Variants in CADM2 observed in about 807,000 individuals in gnomAD.
CADM2 encodes immunoglobulin superfamily member 4D.
CADM2 carries 12 observed loss-of-function variants against 49.8 expected under a neutral mutation model. That is an observed-to-expected ratio of 0.24 (90% CI 0.15 to 0.39). The LOEUF (loss-of-function observed/expected upper bound fraction) is 0.39. Ranked by LOEUF, CADM2 falls within the 10% of genes least tolerant of loss-of-function variation. The probability of loss-of-function intolerance (pLI) is 1.00; values close to 1 mark genes in which losing one functional copy is unlikely to be tolerated. For missense variants in CADM2, 378 were observed against 492.3 expected (o/e 0.77, Z 2.20); for synonymous variants, 214 against 175.4 (o/e 1.22, Z -1.74).
chr3:85,470,745 A>G (rs1254061202), intron 1 of CADM2, among the ~76,000 whole-genome samples: 1 of 152,140 alleles, frequency 6.6e-6, no homozygotes, highest in Non-Finnish European at 1.5e-5. Context: ...ACAAACAGGG[A>G]AACTATTTGG....
chr3:85,514,639 T>C (rs532129291), intron 1 of CADM2, among the ~76,000 whole-genome samples: 1 of 152,110 alleles, frequency 6.6e-6, no homozygotes, highest in South Asian at 2.1e-4. Context: ...TCCAATGATA[T>C]CTTGTGACCT....
intron 1 of CADM2, among the ~76,000 whole-genome samples, chr3:85,691,462 AG>A (rs1270530997): frequency 3.9e-5 from 6 of 152,178 alleles, no homozygotes; most frequent in African/African-American, 1.4e-4. Context: ...CCATTTATGC[AG>A]AACAACAACT....
At chr3:85,521,732 C>T (rs933431182) in intron 1 of CADM2, among the ~76,000 whole-genome samples, 9 of 152,062 alleles carry the variant, frequency 5.9e-5, no homozygotes, top group African/African-American at 1.4e-4. Flanking sequence ...TTATTGAATT[C>T]GTTCACATTT....
At chr3:85,030,195 AACACTT>A (rs2034917648) in intron 1 of CADM2, among the ~76,000 whole-genome samples, 1 of 152,178 alleles carries the variant, frequency 6.6e-6, no homozygotes, top group Non-Finnish European at 1.5e-5. Flanking sequence ...CGCCTCTTGA[AACACTT>A]AGACAATTCA....
intron 1 of CADM2, among the ~76,000 whole-genome samples, chr3:85,121,854 T>A (rs1374716981): frequency 3.3e-5 from 5 of 152,174 alleles, no homozygotes; most frequent in Non-Finnish European, 7.4e-5. Context: ...ATAATTAAAG[T>A]TATTTGGCAT....
intron 1 of CADM2, among the ~76,000 whole-genome samples, chr3:85,537,656 G>A (rs2167046): frequency 0.51 from 77,788 of 151,788 alleles, 23,014 homozygotes; most frequent in East Asian, 0.85. Flanking sequence ...AACATGTCAT[G>A]TTATAACCAG....
rs542242794 is a variant in CADM2 at position 85,608,838 on chromosome 3, G to A, written c.62-117684G>A. Among the ~76,000 whole-genome samples the A allele has an allele frequency of 9.9e-4, 151 of 152,144 alleles. 2 individuals carry two copies. The South Asian group carries it at 0.029, about 29-fold the overall frequency. ...TCTAGTAAACAAGAAAGGCCCAAAT[G>A]AGAGGGAAAAGAAAACCCAGCAGAG... On this transcript the variant is annotated intron_variant, in intron 1 of 9. Transcript: ENST00000383699.
chr3:84,975,376 G>A (rs2031752206), intron 1 of CADM2, among the ~76,000 whole-genome samples: 1 of 151,474 alleles, frequency 6.6e-6, no homozygotes, highest in African/African-American at 2.4e-5. Flanking sequence ...AAACTTATAA[G>A]GGATTGCATT....
At chr3:85,057,464 G>T (rs1224617680) in intron 1 of CADM2, among the ~76,000 whole-genome samples, 1 of 152,016 alleles carries the variant, frequency 6.6e-6, no homozygotes, top group African/African-American at 2.4e-5. Flanking sequence ...TACTAACAGT[G>T]ATGTGAGTAT....
At chr3:85,124,441 A>C (rs1050645656) in intron 1 of CADM2, among the ~76,000 whole-genome samples, 14 of 151,876 alleles carry the variant, frequency 9.2e-5, no homozygotes, top group Admixed American at 1.3e-4. Flanking sequence ...CATCTCTACC[A>C]ATTTTTTTTT....
chr3:86,027,516 T>C (rs1486297230), intron 8 of CADM2, among the ~76,000 whole-genome samples: 2 of 152,140 alleles, frequency 1.3e-5, no homozygotes, highest in African/African-American at 4.8e-5. Flanking sequence ...TCATAGAAAC[T>C]ATGCTCTCTT....
chr3:85,347,223 CAAAAA>C (rs11331703), intron 1 of CADM2, among the ~76,000 whole-genome samples: 2 of 46,146 alleles, frequency 4.3e-5, no homozygotes, highest in South Asian at 1.2e-3. Context: ...CTCTGTCTCA[CAAAAA>C]AAAAAAAAAA....
At chr3:84,966,685 G>A (rs905108279) in intron 1 of CADM2, among the ~76,000 whole-genome samples, 1 of 152,012 alleles carries the variant, frequency 6.6e-6, no homozygotes, top group African/African-American at 2.4e-5. Flanking sequence ...GAGAGAGGGG[G>A]CCATTAACTA....
chr3:85,474,922 A>G (rs1459581229), intron 1 of CADM2, among the ~76,000 whole-genome samples: 3 of 151,956 alleles, frequency 2.0e-5, no homozygotes, highest in African/African-American at 4.8e-5. Flanking sequence ...TAAACTACAG[A>G]CTCAGCATCC....
chr3:85,877,684 G>GTTTTTTTTTTT (rs368101272), intron 3 of CADM2, among the ~76,000 whole-genome samples: 48 of 111,950 alleles, frequency 4.3e-4, no homozygotes, highest in East Asian at 8.1e-4. Context: ...TTTTTCTTCT[G>GTTTTTTTTTTT]TTTTTTTTTT....
At chr3:85,271,247 A>G (rs750633731) in intron 1 of CADM2, among the ~76,000 whole-genome samples, 86 of 151,416 alleles carry the variant, frequency 5.7e-4, no homozygotes, top group Non-Finnish European at 6.2e-4. Flanking sequence ...TTGTTTTGCT[A>G]TAATCTTATG....
Position 86,070,672 on chromosome 3 carries a change from A to G in CADM2, c.*3889A>G, listed in dbSNP as rs1739788346. The G allele has an allele frequency of 6.6e-6, 1 of 151,850 alleles. No individual in the cohort carries two copies. The highest frequency in any genetic ancestry group is 1.5e-5 in the Non-Finnish European group (1 of 67,816). The allele number at this position is 151,850 out of a possible 1,614,324, so 9.4% of individuals were successfully genotyped here. Reference sequence around the variant, plus strand: ...GTAATCACAGCCAAATAAATGAAACACCTAATGAGAATTACTGTTGAGTAA... The same window carrying G: ...GTAATCACAGCCAAATAAATGAAACGCCTAATGAGAATTACTGTTGAGTAA... On this transcript the variant is annotated 3_prime_UTR_variant, in exon 10 of 10. Transcript: ENST00000383699.
intron 2 of CADM2, among the ~76,000 whole-genome samples, chr3:85,801,233 G>C (rs548706280): frequency 6.8e-6 from 1 of 147,558 alleles, no homozygotes; most frequent in Non-Finnish European, 1.5e-5. Flanking sequence ...TTTATTACAT[G>C]AATTACTTTA....
intron 1 of CADM2, among the ~76,000 whole-genome samples, chr3:85,327,589 C>CACACCA (rs1553709186): frequency 2.6e-5 from 3 of 115,214 alleles, no homozygotes; most frequent in African/African-American, 6.0e-5. Context: ...CACACACACA[C>CACACCA]CACACACACA....
Sources: gnomAD v4.1 joint callset for allele counts (sites outside exome capture counted in the v4.1 genomes callset) on GRCh38, gnomAD v4.1.1 for gene constraint, MANE v1.5 for transcripts, NCBI Gene and HGNC (gene_info 2026-07-23, HGNC 2026-07-21) for gene names.